Variants in RABGEF1 observed in about 807,000 individuals in gnomAD.
The protein encoded by RABGEF1 is RAB guanine nucleotide exchange factor 1, also known as rab5 GDP/GTP exchange factor.
In RABGEF1, 26 loss-of-function variants were observed where a neutral mutation model predicts 57.3. That is an observed-to-expected ratio of 0.45 (90% CI 0.33 to 0.63). The LOEUF is 0.63. RABGEF1 is among the 20% of genes least tolerant of loss of function. The pLI is 0.02. For missense variants in RABGEF1, 464 were observed against 607.6 expected (o/e 0.76, Z 2.48); for synonymous variants, 185 against 210.7 (o/e 0.88, Z 1.06).
intron 2 of RABGEF1, among the ~76,000 whole-genome samples, chr7:66,772,381 T>C (rs1447572906): frequency 6.6e-6 from 1 of 152,164 alleles, no homozygotes; most frequent in Non-Finnish European, 1.5e-5. Flanking sequence ...CTGGTGAAGA[T>C]TAAATGAGCT....
chr7:66,732,293 A>G (rs910780506), intron 2 of RABGEF1, among the ~76,000 whole-genome samples: 7 of 152,158 alleles, frequency 4.6e-5, no homozygotes, highest in African/African-American at 1.7e-4. Context: ...CTCATTGAGC[A>G]GGGGGTGCGA....
chr7:66,776,446 G>T (rs1340928084), intron 3 of RABGEF1, among the ~76,000 whole-genome samples: 1 of 152,142 alleles, frequency 6.6e-6, no homozygotes, highest in Non-Finnish European at 1.5e-5. Flanking sequence ...TAATCTCAGC[G>T]CTTTGGGAGG....
the RABGEF1 span, among the ~76,000 whole-genome samples, chr7:66,657,872 T>G: frequency 6.6e-6 from 1 of 151,962 alleles, no homozygotes; most frequent in Non-Finnish European, 1.5e-5. Context: ...CTCAAATTAG[T>G]CACCTCACTA....
chr7:66,744,294 AG>A (rs1420341058), intron 1 of RABGEF1, among the ~76,000 whole-genome samples: 1 of 150,730 alleles, frequency 6.6e-6, no homozygotes, highest in Admixed American at 6.6e-5. Context: ...GCACTTTGGG[AG>A]GCCAAAGTGG....
At chr7:66,802,519 C>T (rs527672999) in intron 7 of RABGEF1, among the ~76,000 whole-genome samples, 1 of 152,202 alleles carries the variant, frequency 6.6e-6, no homozygotes, top group Non-Finnish European at 1.5e-5. Context: ...AAGAGTAAAT[C>T]ATAGCAGGCA....
intron 1 of RABGEF1, among the ~76,000 whole-genome samples, chr7:66,702,142 A>G (rs990550176): frequency 2.0e-5 from 3 of 152,222 alleles, no homozygotes; most frequent in African/African-American, 7.2e-5. Flanking sequence ...ATATTAATAG[A>G]ATCAACAGTA....
chr7:66,745,768 C>CAAAA (rs35862923), intron 1 of RABGEF1, among the ~76,000 whole-genome samples: 36 of 118,462 alleles, frequency 3.0e-4, no homozygotes, highest in East Asian at 4.7e-4. Flanking sequence ...GACTCTATCT[C>CAAAA]AAAAAAAAAA....
At chr7:66,743,080 C>T (rs1398240075) in intron 1 of RABGEF1, among the ~76,000 whole-genome samples, 13 of 152,116 alleles carry the variant, frequency 8.5e-5, no homozygotes, top group African/African-American at 2.2e-4. Flanking sequence ...GAGGCCGAGG[C>T]GGGCGGATCA....
chr7:66,770,167 A>T (rs1346278950), intron 1 of RABGEF1, among the ~76,000 whole-genome samples: 1 of 152,232 alleles, frequency 6.6e-6, no homozygotes, highest in African/African-American at 2.4e-5. Context: ...CACCAGTGCC[A>T]TCTAGCTCAA....
At chr7:66,655,284 A>G in the RABGEF1 span, among the ~76,000 whole-genome samples, 1 of 152,128 alleles carries the variant, frequency 6.6e-6, no homozygotes, top group Non-Finnish European at 1.5e-5. Context: ...AGAGATGTCC[A>G]TCACGGCAGT....
rs1189630199 is a variant in RABGEF1 at position 66,762,741 on chromosome 7, TAATA to T, written c.-17-9137_-17-9134del. Among the ~76,000 whole-genome samples the T allele has an allele frequency of 4.6e-5, 7 of 151,912 alleles. No homozygotes were observed. In the East Asian group the frequency reaches 1.4e-3, roughly 29 times the overall value. On this transcript the variant is annotated intron_variant, in intron 1 of 8. Coordinates refer to ENST00000284957, the MANE Select transcript of RABGEF1 (RefSeq NM_014504.3). ...CCACCCCCGTCCCCCAAAAGAATAA[TAATA>T]AATAGGACATGGAGAAATGGCATTG...
chr7:66,727,949 C>T (rs1438996824), intron 2 of RABGEF1, among the ~76,000 whole-genome samples: 1 of 152,178 alleles, frequency 6.6e-6, no homozygotes, highest in Non-Finnish European at 1.5e-5. Context: ...ACCCTTGCCT[C>T]AGGCGTCTCC....
the RABGEF1 span, among the ~76,000 whole-genome samples, chr7:66,657,284 C>G: frequency 6.6e-6 from 1 of 152,054 alleles, no homozygotes; most frequent in Admixed American, 6.6e-5. Context: ...TGAAAGTATG[C>G]AAAATACTAA....
intron 4 of RABGEF1, among the ~76,000 whole-genome samples, chr7:66,792,290 C>G (rs765618975): frequency 5.9e-5 from 9 of 152,152 alleles, no homozygotes; most frequent in Non-Finnish European, 1.3e-4. Context: ...CACTTTGCCC[C>G]TTTGGCAAAC....
chr7:66,794,207 A>ATTTTTTTTTTTTT (rs1174835014), intron 4 of RABGEF1, among the ~76,000 whole-genome samples: 356 of 90,660 alleles, frequency 3.9e-3, no homozygotes, highest in Middle Eastern at 7.5e-3. Context: ...TCCATGTTTA[A>ATTTTTTTTTTTTT]TTTTTTTTTT....
intron 3 of RABGEF1, among the ~76,000 whole-genome samples, chr7:66,781,943 T>C (rs1810012485): frequency 6.6e-6 from 1 of 152,260 alleles, no homozygotes; most frequent in Non-Finnish European, 1.5e-5. Flanking sequence ...GTTAATCTGC[T>C]GTTTGTCTGT....
chr7:66,711,164 AT>A (rs1329865923), intron 1 of RABGEF1, among the ~76,000 whole-genome samples: 1 of 152,168 alleles, frequency 6.6e-6, no homozygotes, highest in East Asian at 1.9e-4. Context: ...TCTTAAAAAA[AT>A]ATTTTTTTCT....
At chr7:66,693,383 C>T (rs1169151090) in intron 1 of RABGEF1, among the ~76,000 whole-genome samples, 1 of 152,186 alleles carries the variant, frequency 6.6e-6, no homozygotes, top group African/African-American at 2.4e-5. Context: ...CCCCTGGCTT[C>T]CTTACTCCCT....
upstream of RABGEF1, among the ~76,000 whole-genome samples, chr7:66,736,860 C>CA (rs1313387281): frequency 6.6e-6 from 1 of 151,998 alleles, no homozygotes; most frequent in African/African-American, 2.4e-5. Context: ...GACTCCATCT[C>CA]AAAAAACAAA....
Sources: gnomAD v4.1 joint callset for allele counts (sites outside exome capture counted in the v4.1 genomes callset) on GRCh38, gnomAD v4.1.1 for gene constraint, MANE v1.5 for transcripts, NCBI Gene and HGNC (gene_info 2026-07-23, HGNC 2026-07-21) for gene names.